The following GPC6 variants were observed in gnomAD, a reference collection of about 807,000 sequenced individuals.
GPC6 encodes glypican-6.
A neutral mutation model predicts 55.2 loss-of-function variants in GPC6; 14 were observed. The ratio of observed to expected loss-of-function variants is 0.25; its 90% confidence interval spans 0.17 to 0.40. GPC6 has a LOEUF of 0.40. Among genes scored for constraint, GPC6 ranks in the 10% least tolerant of loss-of-function variants. The pLI is 1.00. For synonymous variants in GPC6, 278 were observed against 259.6 expected (o/e 1.07, Z -0.68); for missense variants, 641 against 708.5 (o/e 0.90, Z 1.08).
At chr13:93,750,349 C>G (rs1229046507) in intron 2 of GPC6, among the ~76,000 whole-genome samples, 1 of 151,926 alleles carries the variant, frequency 6.6e-6, no homozygotes, top group East Asian at 1.9e-4. Context: ...ACCTTTTTTC[C>G]CTTTTGTTGA....
chr13:93,444,012 A>G (rs1877902667), intron 1 of GPC6, among the ~76,000 whole-genome samples: 1 of 152,152 alleles, frequency 6.6e-6, no homozygotes, highest in Non-Finnish European at 1.5e-5. Context: ...TTCCATGACC[A>G]TAGAGAATCA....
At chr13:94,014,505 A>G (rs1882379737) in intron 3 of GPC6, among the ~76,000 whole-genome samples, 1 of 152,172 alleles carries the variant, frequency 6.6e-6, no homozygotes, top group African/African-American at 2.4e-5. Flanking sequence ...CTCTTTTTAA[A>G]CAGCTTTATC....
At chr13:93,425,264 T>A (rs1202714821) in intron 1 of GPC6, among the ~76,000 whole-genome samples, 1 of 152,160 alleles carries the variant, frequency 6.6e-6, no homozygotes, top group African/African-American at 2.4e-5. Flanking sequence ...TTAGCAACAT[T>A]GAAATAATCT....
chr13:93,451,746 C>A (rs1486464812), intron 1 of GPC6, among the ~76,000 whole-genome samples: 1 of 152,132 alleles, frequency 6.6e-6, no homozygotes, highest in Non-Finnish European at 1.5e-5. Context: ...AAACAAAATT[C>A]TTTTTAAAAA....
At chr13:93,218,560 T>C in the GPC6 span, among the ~76,000 whole-genome samples, 1 of 152,190 alleles carries the variant, frequency 6.6e-6, no homozygotes. Flanking sequence ...CACACAATGG[T>C]TAGGAAACTT....
chr13:93,799,212 G>A (rs1329947102), intron 2 of GPC6, among the ~76,000 whole-genome samples: 1 of 152,088 alleles, frequency 6.6e-6, no homozygotes, highest in Non-Finnish European at 1.5e-5. Context: ...TAGGTTTATA[G>A]TCAGGTACAC....
intron 2 of GPC6, among the ~76,000 whole-genome samples, chr13:93,593,969 A>T (rs898581866): frequency 6.6e-6 from 1 of 152,168 alleles, no homozygotes; most frequent in Non-Finnish European, 1.5e-5. Context: ...GCTACCATTC[A>T]TATAAATAGG....
intron 4 of GPC6, among the ~76,000 whole-genome samples, chr13:94,269,250 C>G (rs1891915615): frequency 6.6e-6 from 1 of 152,066 alleles, no homozygotes; most frequent in Non-Finnish European, 1.5e-5. Flanking sequence ...TTATTATTGT[C>G]TCCTCAAAAT....
intron 3 of GPC6, among the ~76,000 whole-genome samples, chr13:93,861,373 T>C (rs1888804680): frequency 6.6e-6 from 1 of 151,068 alleles, no homozygotes; most frequent in Non-Finnish European, 1.5e-5. Flanking sequence ...AGTGTGAATT[T>C]AGTGAAATCT....
chr13:93,282,654 C>T (rs1877991382), intron 1 of GPC6, among the ~76,000 whole-genome samples: 1 of 152,120 alleles, frequency 6.6e-6, no homozygotes, highest in East Asian at 1.9e-4. Context: ...TGCATAAACA[C>T]AGTTTAAATA....
chr13:94,158,349 A>T (rs1270287796), intron 4 of GPC6, among the ~76,000 whole-genome samples: 3 of 149,740 alleles, frequency 2.0e-5, no homozygotes, highest in Non-Finnish European at 4.4e-5. Flanking sequence ...TTGAATAATT[A>T]CCCTTTCTTG....
chr13:94,050,657 G>A (rs1007449687), intron 4 of GPC6, among the ~76,000 whole-genome samples: 2 of 152,110 alleles, frequency 1.3e-5, no homozygotes, highest in Admixed American at 1.3e-4. Flanking sequence ...CAGCGCTAAG[G>A]TGCCAGGATG....
intron 4 of GPC6, among the ~76,000 whole-genome samples, chr13:94,033,026 G>T (rs189222131): frequency 1.4e-4 from 22 of 152,242 alleles, no homozygotes; most frequent in Non-Finnish European, 3.2e-4. Flanking sequence ...AACAGATAAG[G>T]CCCCTGTTAG....
intron 4 of GPC6, among the ~76,000 whole-genome samples, chr13:94,178,195 C>T (rs1888857442): frequency 6.6e-6 from 1 of 151,970 alleles, no homozygotes; most frequent in South Asian, 2.1e-4. Flanking sequence ...AATGGGGTTT[C>T]ACTATGTTGG....
intron 2 of GPC6, among the ~76,000 whole-genome samples, chr13:93,583,598 G>T (rs1003444622): frequency 1.4e-4 from 22 of 152,086 alleles, no homozygotes; most frequent in African/African-American, 5.3e-4. Context: ...TATATTTTTA[G>T]TAGAGATGGA....
intron 3 of GPC6, among the ~76,000 whole-genome samples, chr13:93,958,709 T>C (rs1879625028): frequency 6.6e-6 from 1 of 152,148 alleles, no homozygotes; most frequent in South Asian, 2.1e-4. Context: ...AATTTTAGAA[T>C]TTTTTTCTAA....
intron 2 of GPC6, among the ~76,000 whole-genome samples, chr13:93,646,733 A>T (rs776197053): frequency 4.6e-5 from 7 of 152,090 alleles, no homozygotes; most frequent in Non-Finnish European, 7.4e-5. Context: ...CTTGTGAGAA[A>T]GGTGTTGTTA....
At chr13:94,132,470 G>A (rs1050037309) in intron 4 of GPC6, among the ~76,000 whole-genome samples, 3 of 152,212 alleles carry the variant, frequency 2.0e-5, no homozygotes, top group Non-Finnish European at 2.9e-5. Context: ...AGACGCTGTA[G>A]CCTCATGGAA....
chr13:93,411,556 C>T (rs529948120), intron 1 of GPC6, among the ~76,000 whole-genome samples: 15 of 152,282 alleles, frequency 9.9e-5, no homozygotes, highest in African/African-American at 2.6e-4. Flanking sequence ...TACTATTATT[C>T]TCTAATCAGT....
Sources: gnomAD v4.1 joint callset for allele counts (sites outside exome capture counted in the v4.1 genomes callset) on GRCh38, gnomAD v4.1.1 for gene constraint, MANE v1.5 for transcripts, NCBI Gene and HGNC (gene_info 2026-07-23, HGNC 2026-07-21) for gene names.